Variants in TNIP3 observed in about 807,000 individuals in gnomAD.
TNIP3 encodes TNFAIP3-interacting protein 3.
In TNIP3, 34 loss-of-function variants were observed where a neutral mutation model predicts 54.1. The ratio of observed to expected loss-of-function variants is 0.63; its 90% CI spans 0.48 to 0.84. The LOEUF is 0.84. Ranked by LOEUF, TNIP3 falls within the 40% of genes least tolerant of loss-of-function variation. TNIP3 has a pLI of 0.00. For missense variants in TNIP3, 366 were observed against 387.6 expected, an observed-to-expected ratio of 0.94 and a Z score of 0.47; for synonymous variants, 134 against 136.8, an observed-to-expected ratio of 0.98 and a Z score of 0.14.
At chr4:121,148,559 G>A (rs1217827204) in intron 6 of TNIP3, among the ~76,000 whole-genome samples, 1 of 152,164 alleles carries the variant, frequency 6.6e-6, no homozygotes, top group African/African-American at 2.4e-5. Flanking sequence ...TACTTTAGGG[G>A]TTGAGAGTTT....
In TNIP3 at chr4:121,164,219, A is replaced by G; in HGVS notation, c.-94T>C. 6.3e-7 allele frequency: 1 copy of G among 1,585,684 alleles called. No homozygotes were observed. Among genetic ancestry groups the G allele is most frequent in the Non-Finnish European group, 8.6e-7 (1 of 1,169,098 alleles). ...TTTAGGGTGAGAGCAAGTATACAAAATTTAAAAAACACACATCACCGTTAA... is the reference window on the plus strand; with the variant it reads ...TTTAGGGTGAGAGCAAGTATACAAAGTTTAAAAAACACACATCACCGTTAA... On this transcript the variant is annotated 5_prime_UTR_variant, in exon 1 of 11. Coordinates refer to ENST00000057513, the MANE Select transcript of TNIP3 (RefSeq NM_024873.6).
intron 1 of TNIP3, among the ~76,000 whole-genome samples, chr4:121,163,104 G>A (rs967483564): frequency 5.9e-5 from 9 of 152,082 alleles, no homozygotes; most frequent in African/African-American, 1.9e-4. Context: ...GTAACTGCAC[G>A]AGTACTAGTT....
At chr4:121,189,766 G>T (rs974319667) in intron 2 of TNIP3, among the ~76,000 whole-genome samples, 9 of 152,164 alleles carry the variant, frequency 5.9e-5, no homozygotes, top group Non-Finnish European at 1.3e-4. Flanking sequence ...AATTGTATTT[G>T]CATGTCTGAA....
intron 7 of TNIP3, among the ~76,000 whole-genome samples, chr4:121,145,256 C>G (rs1298608206): frequency 6.6e-6 from 1 of 152,140 alleles, no homozygotes; most frequent in African/African-American, 2.4e-5. Flanking sequence ...TCTATTACAT[C>G]TCTGTGAATT....
At chr4:121,186,000 T>A (rs896210541) in intron 2 of TNIP3, among the ~76,000 whole-genome samples, 1 of 152,216 alleles carries the variant, frequency 6.6e-6, no homozygotes, top group African/African-American at 2.4e-5. Context: ...TGGTGAAGGA[T>A]CAGCCTCAGA....
chr4:121,175,615 T>C (rs544250284), intron 3 of TNIP3, among the ~76,000 whole-genome samples: 1 of 152,322 alleles, frequency 6.6e-6, no homozygotes, highest in Non-Finnish European at 1.5e-5. Context: ...ACTCTTTCTT[T>C]TGTGGAACAT....
chr4:121,189,594 TTGAG>T (rs1725196606), intron 2 of TNIP3, among the ~76,000 whole-genome samples: 1 of 152,322 alleles, frequency 6.6e-6, no homozygotes, highest in African/African-American at 2.4e-5. Flanking sequence ...TCTTAATTAC[TTGAG>T]TAATTGGAAA....
rs182730449 is a variant in TNIP3 at position 121,222,304 on chromosome 4, T to C, written c.3+5081A>G. Among the ~76,000 whole-genome samples, 4 of 152,334 alleles carry C rather than the reference T, an allele frequency of 2.6e-5. No individual in the cohort carries two copies. The East Asian group carries it at 7.7e-4, about 29-fold the overall frequency. The stretch of plus-strand genomic sequence containing the variant: ...TCAGCTCTATTTGGGAATATTCCTG[T>C]ATTGTGGATTTCTACTGATAAATTT... On this transcript the variant is annotated intron_variant, in intron 1 of 12. Transcript: ENST00000509841.
At chr4:121,135,329 T>C (rs1367885481) in intron 10 of TNIP3, among the ~76,000 whole-genome samples, 1 of 152,228 alleles carries the variant, frequency 6.6e-6, no homozygotes, top group Non-Finnish European at 1.5e-5. Flanking sequence ...AGTGGTATCA[T>C]TGAAATTTAA....
chr4:121,226,645 T>A (rs569885362), intron 1 of TNIP3, among the ~76,000 whole-genome samples: 16 of 152,332 alleles, frequency 1.1e-4, no homozygotes, highest in Admixed American at 9.1e-4. Context: ...TCAAGAAATA[T>A]CAGCACTGCG....
chr4:121,219,636 C>A (rs1447117322), upstream of TNIP3, among the ~76,000 whole-genome samples: 1 of 152,124 alleles, frequency 6.6e-6, no homozygotes, highest in African/African-American at 2.4e-5. Flanking sequence ...GCAGGGTGTT[C>A]GTATTACCAG....
upstream of TNIP3, among the ~76,000 whole-genome samples, chr4:121,220,726 C>G (rs750723769): frequency 1.3e-5 from 2 of 152,088 alleles, no homozygotes; most frequent in African/African-American, 2.4e-5. Context: ...AAACGTACCA[C>G]TTAACTTTTA....
At chr4:121,203,185 A>C (rs1399679997) in intron 2 of TNIP3, among the ~76,000 whole-genome samples, 4 of 151,844 alleles carry the variant, frequency 2.6e-5, no homozygotes, top group Non-Finnish European at 5.9e-5. Flanking sequence ...CCAAATGCCC[A>C]TCAATCAATG....
At position 121,164,055 on chromosome 4, in the gene TNIP3, C is replaced by A; in HGVS notation, c.66+5G>T. ...TCAACTCATCTCCTAGAAATATGTT[C>A]TTACCTCTTTATGCTCCGTAGAACT... On this transcript the variant is annotated splice_donor_5th_base_variant and intron_variant, in intron 1 of 10. Transcript: ENST00000057513. The A allele has an allele frequency of 6.2e-7, 1 of 1,613,482 alleles. No homozygotes were observed. Among genetic ancestry groups the A allele is most frequent in the South Asian group, 1.1e-5 (1 of 91,034 alleles).
At chr4:121,159,541 G>T (rs1357311854) in intron 2 of TNIP3, among the ~76,000 whole-genome samples, 1 of 152,154 alleles carries the variant, frequency 6.6e-6, no homozygotes, top group African/African-American at 2.4e-5. Flanking sequence ...CAGAATTTAT[G>T]CTAACAAAGC....
chr4:121,217,559 A>G (rs1352041750), upstream of TNIP3, among the ~76,000 whole-genome samples: 1 of 152,172 alleles, frequency 6.6e-6, no homozygotes, highest in Non-Finnish European at 1.5e-5. Context: ...TTTCTGGATG[A>G]CTGGAGGAGT....
intron 2 of TNIP3, among the ~76,000 whole-genome samples, chr4:121,204,464 C>T (rs746026156): frequency 4.6e-5 from 7 of 152,214 alleles, no homozygotes; most frequent in African/African-American, 9.6e-5. Flanking sequence ...TCAAACGGTG[C>T]GCTGACCACC....
intron 2 of TNIP3, among the ~76,000 whole-genome samples, chr4:121,197,531 C>CAAA (rs531127977): frequency 1.6e-5 from 1 of 64,244 alleles, no homozygotes; most frequent in African/African-American, 4.8e-5. Flanking sequence ...GACTCTGTCT[C>CAAA]AAAAAAAAAA....
chr4:121,179,519 A>G (rs576551761), intron 3 of TNIP3, among the ~76,000 whole-genome samples: 3 of 152,368 alleles, frequency 2.0e-5, no homozygotes, highest in South Asian at 4.1e-4. Context: ...TTTGGTTTCA[A>G]TGATGTGTGC....
Sources: allele counts gnomAD v4.1 joint callset (sites outside exome capture counted in the v4.1 genomes callset), GRCh38; gene constraint gnomAD v4.1.1; transcripts MANE v1.5; gene names NCBI Gene and HGNC (gene_info 2026-07-23, HGNC 2026-07-21).